Variants in CLDN14 observed in about 807,000 individuals in gnomAD.
CLDN14 encodes the protein claudin 14.
A neutral mutation model predicts 2.1 loss-of-function variants in CLDN14; 2 were observed. That is an observed-to-expected ratio of 0.96 (90% CI 0.39 to 3.01). The LOEUF (loss-of-function observed/expected upper bound fraction) is 3.01. Ranked by LOEUF, CLDN14 falls within the 30% of genes most tolerant of loss-of-function variation. CLDN14 has a pLI of 0.09. For missense variants in CLDN14, 298 were observed against 328.0 expected, an observed-to-expected ratio of 0.91 and a Z score of 0.71; for synonymous variants, 136 against 154.4, an observed-to-expected ratio of 0.88 and a Z score of 0.88.
chr21:36,470,470 AGAGGCCCAGCAG>A (rs1467234841), intron 1 of CLDN14, among the ~76,000 whole-genome samples: 3 of 152,234 alleles, frequency 2.0e-5, no homozygotes, highest in Non-Finnish European at 4.4e-5. Flanking sequence ...AGCAACCCGC[AGAGGCCCAGCAG>A]GAGGCCCAGG....
At chr21:36,550,529 T>C (rs1310028103) in intron 1 of CLDN14, among the ~76,000 whole-genome samples, 1 of 152,186 alleles carries the variant, frequency 6.6e-6, no homozygotes, top group Admixed American at 6.5e-5. Flanking sequence ...CAAATCCTGC[T>C]CATCGCCAGG....
intron 2 of CLDN14, among the ~76,000 whole-genome samples, chr21:36,485,233 C>T (rs1281865558): frequency 6.0e-5 from 9 of 150,026 alleles, no homozygotes; most frequent in Non-Finnish European, 1.2e-4. Context: ...TTTTTGATGG[C>T]GTCTTAGTCT....
intron 2 of CLDN14, among the ~76,000 whole-genome samples, chr21:36,489,138 A>ATATG (rs2086934330): frequency 7.9e-6 from 1 of 126,888 alleles, no homozygotes; most frequent in Non-Finnish European, 1.7e-5. Context: ...AAAAATATAT[A>ATATG]TATATATATA....
At chr21:36,531,289 A>T (rs974544029) in intron 1 of CLDN14, among the ~76,000 whole-genome samples, 19 of 149,784 alleles carry the variant, frequency 1.3e-4, no homozygotes, top group African/African-American at 4.8e-4. Context: ...TTTGCTATAA[A>T]TGTTTTTTTT....
intron 2 of CLDN14, among the ~76,000 whole-genome samples, chr21:36,510,195 G>A (rs115561324): frequency 1.8e-3 from 274 of 152,312 alleles, no homozygotes; most frequent in African/African-American, 6.5e-3. Context: ...TGGAAATACC[G>A]GAAAAGCGGT....
chr21:36,489,184 T>TG (rs1332009715), intron 2 of CLDN14, among the ~76,000 whole-genome samples: 12 of 105,222 alleles, frequency 1.1e-4, no homozygotes, highest in African/African-American at 4.3e-4. Context: ...AGAAAGAGAA[T>TG]GGGGGGCGGG....
At chr21:36,490,324 C>T (rs1314182783) in intron 2 of CLDN14, among the ~76,000 whole-genome samples, 1 of 152,104 alleles carries the variant, frequency 6.6e-6, no homozygotes, top group Non-Finnish European at 1.5e-5. Context: ...CTGCCTCAGC[C>T]TCCCAAAGAG....
At chr21:36,549,562 A>T (rs139150013) in intron 1 of CLDN14, among the ~76,000 whole-genome samples, 3 of 152,184 alleles carry the variant, frequency 2.0e-5, no homozygotes, top group African/African-American at 7.2e-5. Flanking sequence ...CCTCTAAAAC[A>T]TTTCCCAGAG....
At chr21:36,543,332 C>T (rs1275315163) in intron 1 of CLDN14, among the ~76,000 whole-genome samples, 2 of 152,206 alleles carry the variant, frequency 1.3e-5, no homozygotes, top group African/African-American at 4.8e-5. Context: ...AAAAATGTCC[C>T]TGCTCTTTGA....
chr21:36,511,815 C>T (rs1220842843), intron 1 of CLDN14, among the ~76,000 whole-genome samples: 1 of 151,992 alleles, frequency 6.6e-6, no homozygotes, highest in Non-Finnish European at 1.5e-5. Context: ...AGAAGTTTAC[C>T]CCAGTTCTAA....
chr21:36,540,787 T>A (rs940709578), intron 1 of CLDN14, among the ~76,000 whole-genome samples: 2 of 152,152 alleles, frequency 1.3e-5, no homozygotes, highest in Non-Finnish European at 2.9e-5. Flanking sequence ...AATAGTTAGA[T>A]GTTTATTCTA....
At chr21:36,548,913 G>C (rs2087544045) in intron 1 of CLDN14, among the ~76,000 whole-genome samples, 1 of 152,150 alleles carries the variant, frequency 6.6e-6, no homozygotes, top group South Asian at 2.1e-4. Context: ...CCTTCTCCAG[G>C]CTCCCACCAC....
chr21:36,461,631 A>G lies in CLDN14; in HGVS notation c.65T>C (p.Leu22Ser). 2 of 1,588,098 alleles carry G rather than the reference A, an allele frequency of 1.3e-6. No individual in the cohort carries two copies. Among genetic ancestry groups the G allele is most frequent in the Non-Finnish European group, 1.7e-6 (2 of 1,167,970 alleles). Residue 22 changes from leucine (L) to serine (S), a missense_variant, in exon 2 of 2, where the codon TTG becomes TCG. By Grantham distance (145) the Leu-to-Ser change is moderately radical. Coordinates refer to ENST00000399135, the MANE Select transcript of CLDN14 (RefSeq NM_001146079.2). ...CCAGTGCGGCAGGATGGTGGTGATCAACGTGCCCACCATGCCCAGGAAGCT... is the reference window on the plus strand; with the variant it reads ...CCAGTGCGGCAGGATGGTGGTGATCGACGTGCCCACCATGCCCAGGAAGCT... ...LLSFLGMVGT[L>S]ITTILPHWRR... is the part of the protein sequence containing the mutation.
chr21:36,541,942 A>T (rs564228699), intron 1 of CLDN14, among the ~76,000 whole-genome samples: 1 of 152,132 alleles, frequency 6.6e-6, no homozygotes, highest in Admixed American at 6.5e-5. Context: ...TGTGTGAACC[A>T]CTGGAGTTGG....
intron 1 of CLDN14, among the ~76,000 whole-genome samples, chr21:36,472,606 G>C (rs2086723587): frequency 6.6e-6 from 1 of 152,210 alleles, no homozygotes; most frequent in African/African-American, 2.4e-5. Flanking sequence ...ACTGGAACCA[G>C]AAAAAACTGG....
At chr21:36,517,241 T>C (rs1341117165) in intron 1 of CLDN14, among the ~76,000 whole-genome samples, 3 of 152,360 alleles carry the variant, frequency 2.0e-5, no homozygotes, top group African/African-American at 7.2e-5. Context: ...ATATAAAGTT[T>C]TGTTGGAACA....
chr21:36,509,226 T>A (rs1332775774), intron 2 of CLDN14, among the ~76,000 whole-genome samples: 1 of 152,244 alleles, frequency 6.6e-6, no homozygotes, highest in Non-Finnish European at 1.5e-5. Context: ...GCTGCCCACC[T>A]GCTGTGAAGG....
chr21:36,506,449 T>C (rs927893749), intron 2 of CLDN14, among the ~76,000 whole-genome samples: 7 of 151,930 alleles, frequency 4.6e-5, no homozygotes, highest in Non-Finnish European at 8.8e-5. Flanking sequence ...ATACAAAAAT[T>C]AGTTGGGTGT....
At chr21:36,512,907 T>C (rs1425544315) in intron 1 of CLDN14, among the ~76,000 whole-genome samples, 1 of 152,214 alleles carries the variant, frequency 6.6e-6, no homozygotes. Flanking sequence ...CTATATTTCT[T>C]ATGTAAAAAA....
Sources: allele counts gnomAD v4.1 joint callset (sites outside exome capture counted in the v4.1 genomes callset), GRCh38; gene constraint gnomAD v4.1.1; transcripts MANE v1.5; gene names NCBI Gene and HGNC (gene_info 2026-07-23, HGNC 2026-07-21).